FBXL13: variants seen among roughly 807,000 people sequenced by gnomAD.
The protein encoded by FBXL13 is F-box and leucine-rich repeat protein 13.
A neutral mutation model predicts 83.6 loss-of-function variants in FBXL13; 67 were observed. The observed-to-expected ratio is 0.80, with a 90% confidence interval of 0.66 to 0.98. FBXL13 has a LOEUF of 0.98. FBXL13 is among the 50% of genes least tolerant of loss of function. FBXL13 has a pLI of 0.00. For synonymous variants in FBXL13, 272 were observed against 299.5 expected (o/e 0.91, Z 0.95); for missense variants, 822 against 866.5 (o/e 0.95, Z 0.64).
intron 2 of FBXL13, among the ~76,000 whole-genome samples, chr7:103,033,111 G>T (rs1422100635): frequency 6.6e-6 from 1 of 152,064 alleles, no homozygotes; most frequent in Non-Finnish European, 1.5e-5. Context: ...AGTTCTAAAA[G>T]TCAATTTAAA....
intron 18 of FBXL13, among the ~76,000 whole-genome samples, chr7:102,829,010 G>A (rs140296638): frequency 4.3e-4 from 66 of 152,236 alleles, no homozygotes; most frequent in African/African-American, 1.5e-3. Context: ...GAGGATAGGG[G>A]GTACTGACTG....
chr7:102,833,928 A>G (rs1342655393), intron 17 of FBXL13, among the ~76,000 whole-genome samples: 1 of 151,852 alleles, frequency 6.6e-6, no homozygotes, highest in African/African-American at 2.4e-5. Flanking sequence ...AAAAGTTTAC[A>G]ACTCAGCAGT....
chr7:102,910,527 G>C (rs184108778), intron 11 of FBXL13, among the ~76,000 whole-genome samples: 2 of 151,828 alleles, frequency 1.3e-5, no homozygotes, highest in Non-Finnish European at 2.9e-5. Context: ...TTTGTCACGG[G>C]CTCTCAACTG....
At chr7:102,855,806 A>T (rs1385956524) in intron 16 of FBXL13, among the ~76,000 whole-genome samples, 3 of 151,958 alleles carry the variant, frequency 2.0e-5, no homozygotes, top group Non-Finnish European at 4.4e-5. Context: ...ACAATTTAAA[A>T]TGGGCTATGC....
intron 16 of FBXL13, among the ~76,000 whole-genome samples, chr7:102,860,679 CTGTG>C (rs150779937): frequency 6.6e-6 from 1 of 150,544 alleles, no homozygotes; most frequent in Admixed American, 6.6e-5. Flanking sequence ...TTGGAATGCT[CTGTG>C]TGTGTGTGTG....
intron 8 of FBXL13, among the ~76,000 whole-genome samples, chr7:102,962,989 ATAT>A (rs1563157102): frequency 4.1e-4 from 35 of 86,318 alleles, no homozygotes; most frequent in East Asian, 1.5e-3. Flanking sequence ...TAATAAAAAT[ATAT>A]ATATATATAT....
At chr7:102,974,040 T>C (rs1461678150) in intron 6 of FBXL13, among the ~76,000 whole-genome samples, 2 of 152,154 alleles carry the variant, frequency 1.3e-5, no homozygotes, top group Non-Finnish European at 2.9e-5. Flanking sequence ...CCCTCAGTTA[T>C]GGGAAACTCC....
At chr7:102,850,329 C>G (rs1804994356) in intron 17 of FBXL13, among the ~76,000 whole-genome samples, 1 of 152,054 alleles carries the variant, frequency 6.6e-6, no homozygotes, top group South Asian at 2.1e-4. Context: ...ACTCCTTCAT[C>G]CCAAGGATGA....
chr7:103,052,755 TC>T (rs375246097), intron 2 of FBXL13, among the ~76,000 whole-genome samples: 88 of 143,058 alleles, frequency 6.2e-4, no homozygotes, highest in African/African-American at 2.0e-3. Flanking sequence ...CAATTCCTTT[TC>T]TTTTTTTTTT....
intron 8 of FBXL13, among the ~76,000 whole-genome samples, chr7:102,955,279 C>T (rs994430102): frequency 1.3e-5 from 2 of 151,948 alleles, no homozygotes; most frequent in Admixed American, 6.6e-5. Context: ...GAACAACTTG[C>T]TCCTGAATGA....
chr7:103,017,926 C>T (rs565926761), intron 6 of FBXL13, among the ~76,000 whole-genome samples: 35 of 152,106 alleles, frequency 2.3e-4, no homozygotes, highest in African/African-American at 8.2e-4. Context: ...GAGAACTTCC[C>T]CAATCTAGCA....
intron 14 of FBXL13, among the ~76,000 whole-genome samples, chr7:102,879,464 T>C (rs1809718551): frequency 6.6e-6 from 1 of 151,688 alleles, no homozygotes; most frequent in Admixed American, 6.6e-5. Flanking sequence ...TGTGTGTGTG[T>C]GTGTGTGTAG....
intron 8 of FBXL13, among the ~76,000 whole-genome samples, chr7:102,959,177 G>A (rs1824774429): frequency 6.6e-6 from 1 of 152,064 alleles, no homozygotes; most frequent in South Asian, 2.1e-4. Flanking sequence ...TACATGGTCA[G>A]ATACAATAAC....
intron 16 of FBXL13, among the ~76,000 whole-genome samples, chr7:102,871,595 G>A (rs776015037): frequency 6.6e-5 from 10 of 151,462 alleles, no homozygotes; most frequent in East Asian, 1.9e-4. Context: ...GTTGTGTCAC[G>A]TTGGCCAAGC....
At chr7:102,955,802 G>C (rs1341871132) in intron 8 of FBXL13, among the ~76,000 whole-genome samples, 1 of 151,836 alleles carries the variant, frequency 6.6e-6, no homozygotes, top group Non-Finnish European at 1.5e-5. Flanking sequence ...ATAAATTCCT[G>C]GACACATACA....
intron 8 of FBXL13, among the ~76,000 whole-genome samples, chr7:102,950,291 T>C (rs1823213538): frequency 1.3e-5 from 2 of 152,190 alleles, no homozygotes; most frequent in African/African-American, 2.4e-5. Flanking sequence ...CCTATTAGGA[T>C]GGCCAAAATC....
intron 2 of FBXL13, among the ~76,000 whole-genome samples, chr7:103,036,891 C>T (rs1795129420): frequency 6.6e-6 from 1 of 152,090 alleles, no homozygotes; most frequent in Admixed American, 6.6e-5. Flanking sequence ...ATGCTTTTTA[C>T]CAATAAACAC....
chr7:102,978,816 G>T (rs947080589), intron 6 of FBXL13: 1 of 152,438 alleles, frequency 6.6e-6, no homozygotes, highest in Non-Finnish European at 1.5e-5. Flanking sequence ...ATTCACTAGA[G>T]ATTATAGCAA....
chr7:102,856,720 A>G lies in FBXL13; in HGVS notation c.1636-1860T>C, dbSNP rs545548284. 5.9e-5 allele frequency among the ~76,000 whole-genome samples: 9 copies of G among 152,372 alleles called. No homozygotes were observed. In the South Asian group the frequency reaches 1.4e-3, roughly 25 times the overall value. ...CCACAACGTACCTACTAGGATGGCTATAATTTAAAATACAGATAATAAAAT... is the reference window on the plus strand; with the variant it reads ...CCACAACGTACCTACTAGGATGGCTGTAATTTAAAATACAGATAATAAAAT... On this transcript the variant is annotated intron_variant, in intron 16 of 19. Transcript: ENST00000313221.
Sources: allele counts gnomAD v4.1 joint callset (sites outside exome capture counted in the v4.1 genomes callset), GRCh38; gene constraint gnomAD v4.1.1; transcripts MANE v1.5; gene names NCBI Gene and HGNC (gene_info 2026-07-23, HGNC 2026-07-21).